PRUNE2: variants seen among roughly 807,000 people sequenced by gnomAD.
PRUNE2 encodes prune homolog 2 with BCH domain.
A neutral mutation model predicts 252.0 loss-of-function variants in PRUNE2; 164 were observed. The ratio of observed to expected loss-of-function variants is 0.65; its 90% confidence interval spans 0.57 to 0.74. PRUNE2 has a LOEUF of 0.74. PRUNE2 is among the 30% of genes least tolerant of loss of function. The pLI is 0.00. For synonymous variants in PRUNE2, 1,292 were observed against 1,350.2 expected (o/e 0.96, Z 0.94); for missense variants, 3,495 against 3,711.0 (o/e 0.94, Z 1.51).
At chr9:76,734,383 T>A (rs2048896301) in intron 6 of PRUNE2, among the ~76,000 whole-genome samples, 1 of 152,190 alleles carries the variant, frequency 6.6e-6, no homozygotes, top group Non-Finnish European at 1.5e-5. Flanking sequence ...GGTGAGATAG[T>A]GAAGTCAGGA....
intron 12 of PRUNE2, among the ~76,000 whole-genome samples, chr9:76,643,676 T>C (rs146586420): frequency 6.6e-6 from 1 of 152,224 alleles, no homozygotes. Flanking sequence ...AGAAAGGCCA[T>C]GGCCAGGGCC....
intron 4 of PRUNE2, among the ~76,000 whole-genome samples, chr9:76,842,530 A>G (rs2059447546): frequency 1.3e-5 from 2 of 152,214 alleles, no homozygotes; most frequent in Admixed American, 6.5e-5. Context: ...AGAAACTATC[A>G]TCAGAATGAA....
intron 11 of PRUNE2, among the ~76,000 whole-genome samples, chr9:76,649,191 G>C (rs868442324): frequency 7.9e-5 from 12 of 152,278 alleles, no homozygotes; most frequent in Middle Eastern, 6.8e-3. Context: ...CAGGAATACA[G>C]ACATGCTTCA....
chr9:76,688,923 T>C (rs796883760), intron 9 of PRUNE2, among the ~76,000 whole-genome samples: 84 of 152,248 alleles, frequency 5.5e-4, no homozygotes, highest in African/African-American at 1.9e-3. Context: ...TTTATTATAT[T>C]CCCTCCAGCT....
At chr9:76,794,378 A>G (rs1223562490) in intron 6 of PRUNE2, among the ~76,000 whole-genome samples, 1 of 152,164 alleles carries the variant, frequency 6.6e-6, no homozygotes, top group Non-Finnish European at 1.5e-5. Flanking sequence ...GCACTTTGGG[A>G]GTCTGAGGCA....
Position 76,652,677 on chromosome 9 carries a change from G to A in PRUNE2, c.8363C>T (p.Pro2788Leu), listed in dbSNP as rs1442221661. The A allele has an allele frequency of 1.2e-6, 2 of 1,607,504 alleles. No individual in the cohort carries two copies. The highest frequency in any genetic ancestry group is 2.7e-5 in the African/African-American group (2 of 74,760). The change falls in exon 11 of 19, where the codon CCT (proline) becomes CTT (leucine). Residue 2788 changes from proline to leucine, a missense_variant. Physicochemically the swap from Pro to Leu is moderately conservative, Grantham distance 98. Transcript: ENST00000376718. ...AGTGTCATTAAGATCCAGAGAATTA[G>A]GAGGTTCTAAAGAAGAAAGAGAACA... ...PSAADMRPEP[P>L]NSLDLNDTHP...
Position 76,788,148 on chromosome 9 carries a change from G to A in PRUNE2, c.756+35484C>T, listed in dbSNP as rs143744853. On this transcript the variant is annotated intron_variant, in intron 6 of 18. Coordinates refer to ENST00000376718, the MANE Select transcript of PRUNE2 (RefSeq NM_015225.3). ...GACTATGAGAGCCTTATAACTCACA[G>A]GACCTATTTCTTTGAAAGATTTGTG... Among the ~76,000 whole-genome samples the A allele has an allele frequency of 7.1e-4, 108 of 152,238 alleles. 1 individual carries two copies. The highest frequency in any genetic ancestry group is 2.4e-3 in the African/African-American group (100 of 41,540).
Position 76,707,996 on chromosome 9 carries a change from T to C in PRUNE2, c.4278A>G (p.Pro1426=), listed in dbSNP as rs751704217. Residue 1426 remains proline, a synonymous_variant, in exon 8 of 19, where the codon CCA becomes CCG. Coordinates refer to ENST00000376718, the MANE Select transcript of PRUNE2 (RefSeq NM_015225.3). ...QTGMSADNLQ[P]KDTHEKHLMS... is the part of the protein sequence containing the mutation. The stretch of plus-strand genomic sequence containing the variant: ...TGAGGTGTTTTTCATGGGTATCTTT[T>C]GGCTGCAGGTTATCTGCGGACATCC... 5.1e-5 allele frequency: 83 copies of C among 1,613,896 alleles called. No homozygotes were observed. Among genetic ancestry groups the C allele is most frequent in the South Asian group, 5.1e-4 (46 of 91,082 alleles).
chr9:76,779,716 A>G (rs2054168247), intron 6 of PRUNE2: 1 of 152,198 alleles, frequency 6.6e-6, no homozygotes, highest in African/African-American at 2.4e-5. Flanking sequence ...GTGGGCTCAG[A>G]TTTACTGTAC....
intron 1 of PRUNE2, among the ~76,000 whole-genome samples, chr9:76,896,320 C>T (rs2062820721): frequency 6.6e-6 from 1 of 152,200 alleles, no homozygotes; most frequent in African/African-American, 2.4e-5. Context: ...AGTATCATCT[C>T]GCAAATAGCC....
At chr9:76,702,955 G>A (rs139866397) in intron 9 of PRUNE2, among the ~76,000 whole-genome samples, 79 of 152,042 alleles carry the variant, frequency 5.2e-4, no homozygotes, top group African/African-American at 1.8e-3. Context: ...TCCCCCCACT[G>A]GCATGTTAGG....
At chr9:76,723,033 G>A (rs2047777851) in intron 6 of PRUNE2, among the ~76,000 whole-genome samples, 1 of 152,170 alleles carries the variant, frequency 6.6e-6, no homozygotes, top group Non-Finnish European at 1.5e-5. Context: ...TAACAATAAT[G>A]CGCTGCTTAC....
chr9:76,825,604 G>C (rs2058300112), intron 5 of PRUNE2, among the ~76,000 whole-genome samples: 1 of 152,212 alleles, frequency 6.6e-6, no homozygotes, highest in African/African-American at 2.4e-5. Flanking sequence ...GCTGGGTTTA[G>C]GCCTTGCCTG....
chr9:76,646,781 T>C lies in PRUNE2; in HGVS notation c.8558-1872A>G, dbSNP rs183693772. ...GAACTTTCCATCCACCAGACCCTCT[T>C]CATCCTGTTTGGTACCCTCTGACCT... On this transcript the variant is annotated intron_variant, in intron 11 of 18. Transcript: ENST00000376718. Among the ~76,000 whole-genome samples, 550 of 152,300 alleles carry C rather than the reference T, an allele frequency of 3.6e-3. 2 individuals are homozygous for C. The highest frequency in any genetic ancestry group is 6.4e-3 in the Non-Finnish European group (435 of 68,022).
intron 18 of PRUNE2, among the ~76,000 whole-genome samples, chr9:76,617,876 C>A (rs1830433041): frequency 6.6e-6 from 1 of 152,172 alleles, no homozygotes; most frequent in Non-Finnish European, 1.5e-5. Flanking sequence ...CTCTCTGCTG[C>A]TTGTTAACTG....
chr9:76,790,284 C>T (rs2055426217), intron 6 of PRUNE2, among the ~76,000 whole-genome samples: 1 of 152,046 alleles, frequency 6.6e-6, no homozygotes, highest in Non-Finnish European at 1.5e-5. Context: ...AGCACATGGC[C>T]CAGTTTGTTG....
At chr9:76,759,697 T>C (rs916590644) in intron 6 of PRUNE2, 2 of 152,314 alleles carry the variant, frequency 1.3e-5, no homozygotes, top group Non-Finnish European at 2.9e-5. Flanking sequence ...AATTTATCCA[T>C]GTGGCCTGAT....
At chr9:76,855,250 A>G (rs1324061763) in intron 1 of PRUNE2, among the ~76,000 whole-genome samples, 1 of 151,866 alleles carries the variant, frequency 6.6e-6, no homozygotes, top group Non-Finnish European at 1.5e-5. Context: ...AAACTATCCA[A>G]TACAGATAAT....
chr9:76,886,911 G>A (rs1348278101), intron 1 of PRUNE2, among the ~76,000 whole-genome samples: 2 of 152,122 alleles, frequency 1.3e-5, no homozygotes, highest in Non-Finnish European at 2.9e-5. Flanking sequence ...ATGTTTTCCA[G>A]GGGTTGAGAT....
Sources: allele counts gnomAD v4.1 joint callset (sites outside exome capture counted in the v4.1 genomes callset), GRCh38; gene constraint gnomAD v4.1.1; transcripts MANE v1.5; gene names NCBI Gene and HGNC (gene_info 2026-07-23, HGNC 2026-07-21).